The following SRSF6 variants were observed in gnomAD, a reference collection of about 807,000 sequenced individuals.
The protein encoded by SRSF6 is serine and arginine rich splicing factor 6, also known as serine/arginine-rich splicing factor 6.
In SRSF6, 17 loss-of-function variants were observed where a neutral mutation model predicts 42.0. The ratio of observed to expected loss-of-function variants is 0.40; its 90% CI spans 0.28 to 0.61. SRSF6 has a LOEUF of 0.61. Among genes scored for constraint, SRSF6 ranks in the 20% least tolerant of loss-of-function variants. The pLI, the probability that SRSF6 is intolerant of heterozygous loss-of-function variation, is 0.37. For synonymous variants in SRSF6, 204 were observed against 166.7 expected (o/e 1.22, Z -1.72); for missense variants, 379 against 471.4 (o/e 0.80, Z 1.81).
In SRSF6 at chr20:43,460,832, G is replaced by A. The variant is rs541620676; in HGVS notation, c.804G>A (p.Glu268=). ...ATTCTCGAAGCAGATCTAAGGATGAGTATGAGAAATCTCGAAGCAGGTCTC... is the reference window on the plus strand; with the variant it reads ...ATTCTCGAAGCAGATCTAAGGATGAATATGAGAAATCTCGAAGCAGGTCTC... ...HSHSRSRSKD[E]YEKSRSRSRS... The change falls in exon 6 of 6, where the codon GAG becomes GAA. Residue 268 remains glutamate, a synonymous_variant. Coordinates refer to ENST00000244020, the MANE Select transcript of SRSF6 (RefSeq NM_006275.6). The A allele has an allele frequency of 2.0e-3, 3,265 of 1,614,168 alleles. 89 individuals are homozygous for A. The South Asian group carries it at 0.034, about 17-fold the overall frequency.
chr20:43,460,482 G>A (rs1410026318), intron 4 of SRSF6, 33 bp from the exon 5 acceptor site: 4 of 1,603,782 alleles, frequency 2.5e-6, no homozygotes, highest in East Asian at 2.2e-5. Context: ...AAGTTGGATT[G>A]GGATTAAGAC....
In SRSF6 at chr20:43,461,809, T is replaced by A. The variant is rs191389157; in HGVS notation, c.*746T>A. 1 of 152,626 alleles carries A rather than the reference T, an allele frequency of 6.6e-6. No individual in the cohort carries two copies. Among genetic ancestry groups the A allele is most frequent in the Admixed American group, 6.5e-5 (1 of 15,286 alleles). 9.5% of individuals were successfully genotyped at this position (152,626 alleles called of 1,614,324 possible). On this transcript the variant is annotated 3_prime_UTR_variant, in exon 6 of 6. Transcript: ENST00000244020. Reference sequence around the variant, plus strand: ...TCCATGATTTTGCTTAAATTAATACTTTTAAGTAATGGAACTTTTTTCAAA... The same window carrying A: ...TCCATGATTTTGCTTAAATTAATACATTTAAGTAATGGAACTTTTTTCAAA...
At chr20:43,458,581 C>T in intron 2 of SRSF6, 72 bp downstream of exon 2, 2 of 1,381,970 alleles carry the variant, frequency 1.4e-6, no homozygotes, top group East Asian at 3.1e-5. Context: ...TGGGGCCTCC[C>T]AGCCCGGGCA....
chr20:43,458,744 C>G (rs1226056742), intron 2 of SRSF6, among the ~76,000 whole-genome samples: 1 of 152,168 alleles, frequency 6.6e-6, no homozygotes, highest in Non-Finnish European at 1.5e-5. Flanking sequence ...GTGGCTTCTT[C>G]TGGCCCCTTG....
Position 43,458,468 on chromosome 20 carries a change from G to C in SRSF6, c.215G>C (p.Gly72Ala). 1 of 1,517,122 alleles carries C rather than the reference G, an allele frequency of 6.6e-7. No individual in the cohort carries two copies. Among genetic ancestry groups the C allele is most frequent in the Non-Finnish European group, 8.8e-7 (1 of 1,137,334 alleles). 94.0% of individuals were successfully genotyped at this position (1,517,122 alleles called of 1,614,324 possible). A position where few individuals can be genotyped will look rare whatever the true frequency, so the allele number is the denominator to read the frequency against. ...GERVIVEHAR[G>A]PRRDRDGYSY... Reference sequence around the variant, plus strand: ...CGCGTGATCGTAGAGCACGCCCGGGGCCCGCGTCGCGATCGCGACGGCTAC... The same window carrying C: ...CGCGTGATCGTAGAGCACGCCCGGGCCCCGCGTCGCGATCGCGACGGCTAC... Residue 72 changes from glycine to alanine, a missense_variant, in exon 2 of 6, where the codon GGC becomes GCC. Coordinates refer to ENST00000244020, the MANE Select transcript of SRSF6 (RefSeq NM_006275.6).
rs57110045 is a variant in SRSF6, at chr20:43,461,337, G to GTTTTTTTTTTTTTTTTTTTTTT, written c.*290_*311dup. 4.1e-4 allele frequency: 18 copies of GTTTTTTTTTTTTTTTTTTTTTT among 43,824 alleles called. 1 individual carries two copies. The highest frequency in any genetic ancestry group is 1.3e-3 in the African/African-American group (16 of 12,236). 2.7% of individuals were successfully genotyped at this position (43,824 alleles called of 1,614,324 possible). On this transcript the variant is annotated 3_prime_UTR_variant, in exon 6 of 6. Transcript: ENST00000244020. The stretch of plus-strand genomic sequence containing the variant: ...GTAAAGATTAAGCTCATTTAGTGTT[G>GTTTTTTTTTTTTTTTTTTTTTT]TTTTTTTTTTTTTTTTTTTTTTTTT...
At position 43,458,451 on chromosome 20, in the gene SRSF6, C is replaced by G; in HGVS notation, c.198C>G (p.Ile66Met). Residue 66 changes from isoleucine to methionine, a missense_variant, in exon 2 of 6, where the codon ATC becomes ATG. By Grantham distance (10) the Ile-to-Met change is conservative. Coordinates refer to ENST00000244020, the MANE Select transcript of SRSF6 (RefSeq NM_006275.6). ...AGGAGCTCTGCGGCGAGCGCGTGATCGTAGAGCACGCCCGGGGCCCGCGTC... is the reference window on the plus strand; with the variant it reads ...AGGAGCTCTGCGGCGAGCGCGTGATGGTAGAGCACGCCCGGGGCCCGCGTC... ...NGKELCGERV[I>M]VEHARGPRRD... 2 of 1,529,032 alleles carry G rather than the reference C, an allele frequency of 1.3e-6. No individual in the cohort carries two copies. Among genetic ancestry groups the G allele is most frequent in the Non-Finnish European group, 8.8e-7 (1 of 1,142,272 alleles). 94.7% of individuals were successfully genotyped at this position (1,529,032 alleles called of 1,614,324 possible).
At chr20:43,458,563 G>T (rs1305549591) in intron 2 of SRSF6, 54 bp downstream of exon 2, 1 of 1,426,322 alleles carries the variant, frequency 7.0e-7, no homozygotes, top group Non-Finnish European at 9.1e-7. Flanking sequence ...GGGCGGGGGT[G>T]GGTGGGGTGG....
chr20:43,457,918 C>A lies in SRSF6; in HGVS notation c.-116C>A. 2.4e-6 allele frequency: 2 copies of A among 840,410 alleles called. No individual in the cohort carries two copies. The highest frequency in any genetic ancestry group is 3.8e-6 in the Non-Finnish European group (2 of 527,504). 52.1% of individuals were successfully genotyped at this position (840,410 alleles called of 1,614,324 possible). On this transcript the variant is annotated 5_prime_UTR_variant, in exon 1 of 6. Transcript: ENST00000244020. ...GCCATTGTGTGGCTGGACTCGGCCG[C>A]CCCTGTGGTGTGAGGCGCGTGTTCG...
rs2017589627 is a variant in SRSF6, at chr20:43,461,337, G to GTTTTGTTTTTTTTTTTTTTTT, written c.*278_*279insGTTTTTTTTTTTTTTTTTTTT. On this transcript the variant is annotated 3_prime_UTR_variant, in exon 6 of 6. Transcript: ENST00000244020. ...GTAAAGATTAAGCTCATTTAGTGTT[G>GTTTTGTTTTTTTTTTTTTTTT]TTTTTTTTTTTTTTTTTTTTTTTTT... 1 of 43,768 alleles carries GTTTTGTTTTTTTTTTTTTTTT rather than the reference G, an allele frequency of 2.3e-5. No homozygotes were observed. Among genetic ancestry groups the GTTTTGTTTTTTTTTTTTTTTT allele is most frequent in the African/African-American group, 8.2e-5 (1 of 12,192 alleles). 2.7% of individuals were successfully genotyped at this position (43,768 alleles called of 1,614,324 possible).
intron 1 of SRSF6, 107 bp downstream of exon 1, chr20:43,458,247 A>G (rs549154600): frequency 2.8e-5 from 40 of 1,421,664 alleles, no homozygotes; most frequent in Non-Finnish European, 3.6e-5. Flanking sequence ...GCAGGGCCTC[A>G]AAGATGGCGA....
In SRSF6 at chr20:43,462,718, T is replaced by G. The variant is rs1365239881; in HGVS notation, c.*1655T>G. The G allele has an allele frequency of 6.6e-6, 1 of 152,208 alleles. No homozygotes were observed. Among genetic ancestry groups the G allele is most frequent in the Non-Finnish European group, 1.5e-5 (1 of 68,038 alleles). 9.4% of individuals were successfully genotyped at this position (152,208 alleles called of 1,614,324 possible). On this transcript the variant is annotated 3_prime_UTR_variant, in exon 6 of 6. Coordinates refer to ENST00000244020, the MANE Select transcript of SRSF6 (RefSeq NM_006275.6). ...GAAAAAGGCCTTGTTTTTCAGAAATTCCTGGGTTTCCTGTTAAAAAATCTT... is the reference window on the plus strand; with the variant it reads ...GAAAAAGGCCTTGTTTTTCAGAAATGCCTGGGTTTCCTGTTAAAAAATCTT...
rs1196378267 is a variant in SRSF6, at chr20:43,461,334, G to GTTTTTTTTTTT, written c.*273_*274insTTTTTTTTTTT. The GTTTTTTTTTTT allele has an allele frequency of 7.4e-4, 42 of 56,466 alleles. 6 individuals carry two copies. Among genetic ancestry groups the GTTTTTTTTTTT allele is most frequent in the African/African-American group, 3.1e-3 (42 of 13,566 alleles). The allele number at this position is 56,466 out of a possible 1,614,324, so 3.5% of individuals were successfully genotyped here. A position where few individuals can be genotyped will look rare whatever the true frequency, so the allele number is the denominator to read the frequency against. The stretch of plus-strand genomic sequence containing the variant: ...TTTGTAAAGATTAAGCTCATTTAGT[G>GTTTTTTTTTTT]TTGTTTTTTTTTTTTTTTTTTTTTT... On this transcript the variant is annotated 3_prime_UTR_variant, in exon 6 of 6. Coordinates refer to ENST00000244020, the MANE Select transcript of SRSF6 (RefSeq NM_006275.6).
Position 43,461,337 on chromosome 20 carries a change from G to GTTTTTTTTGTTTTTTTTTTTTTT in SRSF6, c.*282_*283insGTTTTTTTTTTTTTTTTTTTTTT, listed in dbSNP as rs2017590018. On this transcript the variant is annotated 3_prime_UTR_variant, in exon 6 of 6. Coordinates refer to ENST00000244020, the MANE Select transcript of SRSF6 (RefSeq NM_006275.6). ...GTAAAGATTAAGCTCATTTAGTGTT[G>GTTTTTTTTGTTTTTTTTTTTTTT]TTTTTTTTTTTTTTTTTTTTTTTTT... The GTTTTTTTTGTTTTTTTTTTTTTT allele has an allele frequency of 2.3e-5, 1 of 43,768 alleles. No homozygotes were observed. The highest frequency in any genetic ancestry group is 8.2e-5 in the African/African-American group (1 of 12,192). 2.7% of individuals were successfully genotyped at this position (43,768 alleles called of 1,614,324 possible).
At chr20:43,458,853 G>T (rs1355742201) in intron 2 of SRSF6, among the ~76,000 whole-genome samples, 1 of 151,540 alleles carries the variant, frequency 6.6e-6, no homozygotes. Flanking sequence ...TAGAGGTTCG[G>T]GGGCAGGCTC....
chr20:43,459,399 A>G (rs1436739223), intron 2 of SRSF6: 45 of 1,321,992 alleles, frequency 3.4e-5, no homozygotes, highest in Non-Finnish European at 4.4e-5. Flanking sequence ...CCAAACCACC[A>G]CCAAAAACCT....
chr20:43,460,068 G>A lies in SRSF6; in HGVS notation c.417G>A (p.Ala139=), dbSNP rs61733949. 0.059 allele frequency: 95,221 copies of A among 1,614,122 alleles called. 3,169 individuals are homozygous for A. Among genetic ancestry groups the A allele is most frequent in the Non-Finnish European group, 0.066 (77,532 of 1,179,990 alleles). ...FMRQAGEVTY[A]DAHKERTNEG... Reference sequence around the variant, plus strand: ...GACAAGCAGGTGAAGTAACCTATGCGGATGCCCACAAGGAACGAACAAATG... The same window carrying A: ...GACAAGCAGGTGAAGTAACCTATGCAGATGCCCACAAGGAACGAACAAATG... Residue 139 remains alanine (A), a synonymous_variant, in exon 4 of 6, where the codon GCG becomes GCA. Transcript: ENST00000244020.
chr20:43,460,880 T>C lies in SRSF6; in HGVS notation c.852T>C (p.Asn284=). ...SRSRSRSPKE[N]GKGDIKSKSR... is the part of the protein sequence containing the mutation. The stretch of plus-strand genomic sequence containing the variant: ...CTCGGTCCCGATCCCCTAAAGAAAA[T>C]GGAAAGGGTGATATAAAGTCAAAAT... Residue 284 remains asparagine (N), a synonymous_variant, in exon 6 of 6, where the codon AAT becomes AAC. Transcript: ENST00000244020. 1 of 1,613,724 alleles carries C rather than the reference T, an allele frequency of 6.2e-7. No individual in the cohort carries two copies. The highest frequency in any genetic ancestry group is 8.5e-7 in the Non-Finnish European group (1 of 1,179,944).
chr20:43,458,286 G>C, intron 1 of SRSF6, 75 bp from the exon 2 acceptor site: 2 of 1,409,056 alleles, frequency 1.4e-6, no homozygotes, highest in Non-Finnish European at 1.8e-6. Flanking sequence ...GCGCGCGGTG[G>C]GGTACGGGCG....
Sources: allele counts gnomAD v4.1 joint callset (sites outside exome capture counted in the v4.1 genomes callset), GRCh38; gene constraint gnomAD v4.1.1; transcripts MANE v1.5; gene names NCBI Gene and HGNC (gene_info 2026-07-23, HGNC 2026-07-21).